Variants in DIP2C observed in about 807,000 individuals in gnomAD.
DIP2C encodes the protein disco-interacting protein 2 homolog C.
DIP2C carries 33 observed loss-of-function variants against 192.4 expected under a neutral mutation model. The observed-to-expected ratio is 0.17, with a 90% CI of 0.13 to 0.23. The LOEUF (loss-of-function observed/expected upper bound fraction) is 0.23. Ranked by LOEUF, DIP2C falls within the 10% of genes least tolerant of loss-of-function variation. The pLI, the probability that DIP2C is intolerant of heterozygous loss-of-function variation, is 1.00. For synonymous variants in DIP2C, 979 were observed against 864.1 expected (o/e 1.13, Z -2.33); for missense variants, 1,537 against 2,110.1 (o/e 0.73, Z 5.32).
Position 542,247 on chromosome 10 carries a change from G to A in DIP2C, c.86-55717C>T, listed in dbSNP as rs560088649. Among the ~76,000 whole-genome samples the A allele has an allele frequency of 4.6e-5, 7 of 152,340 alleles. 1 individual carries two copies. The South Asian group carries it at 1.0e-3, about 23-fold the overall frequency. On this transcript the variant is annotated intron_variant, in intron 1 of 36. Transcript: ENST00000280886. Reference sequence around the variant, plus strand: ...AGTTACCTCCTGGGCGATGCCAGGTGACGGTAACATCAACCAGGAGGCACT... The same window carrying A: ...AGTTACCTCCTGGGCGATGCCAGGTAACGGTAACATCAACCAGGAGGCACT...
intron 1 of DIP2C, among the ~76,000 whole-genome samples, chr10:570,346 C>T (rs1218670750): frequency 2.0e-5 from 3 of 152,346 alleles, no homozygotes; most frequent in Admixed American, 6.5e-5. Flanking sequence ...CCTGCTGACA[C>T]AGGAGCAAGC....
Position 486,454 on chromosome 10 carries a change from C to G in DIP2C, c.157+5G>C. The G allele has an allele frequency of 6.3e-7, 1 of 1,595,920 alleles. No individual in the cohort carries two copies. Among genetic ancestry groups the G allele is most frequent in the Non-Finnish European group, 8.5e-7 (1 of 1,171,636 alleles). The stretch of plus-strand genomic sequence containing the variant: ...GGACTCATGCTACTCATGGGGGTTA[C>G]CTACTCGGAGGCTGCGGAAGGTAGG... On this transcript the variant is annotated splice_donor_5th_base_variant and intron_variant, in intron 2 of 36. Transcript: ENST00000280886.
chr10:599,989 C>T (rs146956419), intron 1 of DIP2C, among the ~76,000 whole-genome samples: 1 of 152,262 alleles, frequency 6.6e-6, no homozygotes, highest in Non-Finnish European at 1.5e-5. Flanking sequence ...TAGGCCTTAG[C>T]AGGGCAGGCA....
chr10:567,788 C>T (rs916391181), intron 1 of DIP2C, among the ~76,000 whole-genome samples: 1 of 152,130 alleles, frequency 6.6e-6, no homozygotes. Context: ...TAGGTGTACA[C>T]CACCTCACCC....
At chr10:655,134 G>A (rs914985174) in intron 1 of DIP2C, among the ~76,000 whole-genome samples, 1 of 152,086 alleles carries the variant, frequency 6.6e-6, no homozygotes, top group Non-Finnish European at 1.5e-5. Context: ...CCAGAAATTC[G>A]CTCCTTATGC....
intron 4 of DIP2C, among the ~76,000 whole-genome samples, chr10:425,514 CACAG>C (rs1966532823): frequency 2.2e-5 from 3 of 134,102 alleles, no homozygotes; most frequent in South Asian, 2.2e-4. Context: ...ACTAATATGA[CACAG>C]ATGATACAGC....
At chr10:482,457 G>T (rs990606430) in intron 2 of DIP2C, among the ~76,000 whole-genome samples, 1 of 152,182 alleles carries the variant, frequency 6.6e-6, no homozygotes, top group Non-Finnish European at 1.5e-5. Context: ...GGCCGCTCAC[G>T]TGACCTCATG....
chr10:539,325 T>C (rs1255695534), intron 1 of DIP2C, among the ~76,000 whole-genome samples: 3 of 152,178 alleles, frequency 2.0e-5, no homozygotes, highest in Non-Finnish European at 4.4e-5. Context: ...TTTTAATGTG[T>C]TTGTACTAAG....
chr10:288,432 A>T lies in DIP2C; in HGVS notation c.3987-11T>A. On this transcript the variant is annotated splice_polypyrimidine_tract_variant and intron_variant, in intron 32 of 36. Transcript: ENST00000280886. The stretch of plus-strand genomic sequence containing the variant: ...TCCACTAAGCGGACTCTGCAAACAG[A>T]AAGAGAAAATATTCCTAGATGTGTT... 1 of 1,613,884 alleles carries T rather than the reference A, an allele frequency of 6.2e-7. No individual in the cohort carries two copies. The highest frequency in any genetic ancestry group is 1.1e-5 in the South Asian group (1 of 91,010).
rs1417225207 is a variant in DIP2C, at chr10:363,633, T to A, written c.2478-322A>T. ...ATCAGACCTGCTGAAATTTAGGGAGTCACACCCTTCACAGCTCGAGTTTGC... is the reference window on the plus strand; with the variant it reads ...ATCAGACCTGCTGAAATTTAGGGAGACACACCCTTCACAGCTCGAGTTTGC... On this transcript the variant is annotated intron_variant, in intron 20 of 36. Coordinates refer to ENST00000280886, the MANE Select transcript of DIP2C (RefSeq NM_014974.3). The surrounding 1 kb of genome is among the most constrained non-coding windows in gnomAD (Gnocchi z 5.4). Among the ~76,000 whole-genome samples, 2 of 151,916 alleles carry A rather than the reference T, an allele frequency of 1.3e-5. No individual in the cohort carries two copies. Among genetic ancestry groups the A allele is most frequent in the Non-Finnish European group, 2.9e-5 (2 of 68,000 alleles).
intron 32 of DIP2C, among the ~76,000 whole-genome samples, chr10:309,556 G>A (rs1005796262): frequency 2.0e-5 from 3 of 147,844 alleles, no homozygotes; most frequent in Non-Finnish European, 3.0e-5. Context: ...CTGCAACAGA[G>A]TTTCTTTTTT....
intron 3 of DIP2C, among the ~76,000 whole-genome samples, chr10:459,329 C>T (rs1218916833): frequency 6.6e-6 from 1 of 150,814 alleles, no homozygotes; most frequent in African/African-American, 2.4e-5. Flanking sequence ...GGGTCTCGAA[C>T]CCCTGAGGGT....
rs1352309820 is a variant in DIP2C at position 577,837 on chromosome 10, A to T, written c.86-91307T>A. On this transcript the variant is annotated intron_variant, in intron 1 of 36. Coordinates refer to ENST00000280886, the MANE Select transcript of DIP2C (RefSeq NM_014974.3). Reference sequence around the variant, plus strand: ...TGTTTTTTTGTGTTTTTTTTTTTTTAACCACAAAAGAAGAAAGAACTTAAG... The same window carrying T: ...TGTTTTTTTGTGTTTTTTTTTTTTTTACCACAAAAGAAGAAAGAACTTAAG... Among the ~76,000 whole-genome samples, 4 of 141,002 alleles carry T rather than the reference A, an allele frequency of 2.8e-5. No individual in the cohort carries two copies. In the East Asian group the frequency reaches 6.0e-4, roughly 21 times the overall value. 92.5% of individuals were successfully genotyped at this position (141,002 alleles called of 152,430 possible).
intron 1 of DIP2C, among the ~76,000 whole-genome samples, chr10:617,518 G>T (rs1354013172): frequency 1.3e-5 from 2 of 152,058 alleles, no homozygotes; most frequent in East Asian, 3.9e-4. Context: ...CTGCCACCAG[G>T]GCCAACTCCC....
chr10:373,895 T>C (rs561171885), intron 17 of DIP2C, among the ~76,000 whole-genome samples: 3 of 152,348 alleles, frequency 2.0e-5, no homozygotes, highest in East Asian at 3.9e-4. Context: ...CACCAATAAA[T>C]AGTCTGGGCT....
chr10:505,518 C>A (rs116595857), intron 1 of DIP2C, among the ~76,000 whole-genome samples: 83 of 152,194 alleles, frequency 5.5e-4, no homozygotes, highest in African/African-American at 2.0e-3. Context: ...AGCTGTGATT[C>A]CTGTGTGCAC....
At chr10:377,020 T>A (rs1473667543) in intron 17 of DIP2C, among the ~76,000 whole-genome samples, 1 of 152,148 alleles carries the variant, frequency 6.6e-6, no homozygotes. Context: ...TTTAATGTAA[T>A]ATTCTTCCTT....
At chr10:475,709 C>CG (rs1971004727) in intron 2 of DIP2C, among the ~76,000 whole-genome samples, 1 of 152,160 alleles carries the variant, frequency 6.6e-6, no homozygotes, top group African/African-American at 2.4e-5. Context: ...GCAAAAGAAA[C>CG]GAGTATGAAT....
intron 1 of DIP2C, among the ~76,000 whole-genome samples, chr10:528,212 A>T (rs542397822): frequency 2.6e-4 from 40 of 152,234 alleles, no homozygotes; most frequent in African/African-American, 7.7e-4. Flanking sequence ...TACCTACCCT[A>T]GTCAGGAGCC....
Sources: allele counts gnomAD v4.1 joint callset (sites outside exome capture counted in the v4.1 genomes callset), GRCh38; gene constraint gnomAD v4.1.1; non-coding constraint Gnocchi (gnomAD v3.1); transcripts MANE v1.5; gene names NCBI Gene and HGNC (gene_info 2026-07-23, HGNC 2026-07-21).